The following LARP1B variants were observed in gnomAD, a reference collection of about 807,000 sequenced individuals.
LARP1B encodes the protein la-related protein 1B.
LARP1B carries 76 observed loss-of-function variants against 114.2 expected under a neutral mutation model. The observed-to-expected ratio is 0.67, with a 90% CI of 0.55 to 0.81. The LOEUF is 0.81. LARP1B is among the 30% of genes least tolerant of loss of function. The probability of loss-of-function intolerance (pLI) is 0.00; values close to 1 mark genes in which losing one functional copy is unlikely to be tolerated. For synonymous variants in LARP1B, 345 were observed against 348.0 expected (o/e 0.99, Z 0.10); for missense variants, 1,014 against 1,075.8 (o/e 0.94, Z 0.80).
chr4:128,206,611 A>C (rs1757660455), intron 18 of LARP1B, 74 bp downstream of exon 18: 1 of 1,507,832 alleles, frequency 6.6e-7, no homozygotes, highest in Admixed American at 2.2e-5. Flanking sequence ...ATAGGGAAGG[A>C]GTTCATAGTT....
At chr4:128,169,851 G>T (rs949595827) in intron 12 of LARP1B, among the ~76,000 whole-genome samples, 2 of 151,946 alleles carry the variant, frequency 1.3e-5, no homozygotes, top group Non-Finnish European at 2.9e-5. Flanking sequence ...TGGCCAGGCC[G>T]GTCTCAAACT....
Position 128,206,438 on chromosome 4 carries a change from G to C in LARP1B, c.2320G>C (p.Glu774Gln). The C allele has an allele frequency of 6.3e-7, 1 of 1,599,688 alleles. No individual in the cohort carries two copies. The highest frequency in any genetic ancestry group is 2.2e-5 in the East Asian group (1 of 44,734). ...ATTTTCTCTTTATAGGTATGGGTTAGAATGTCTGTTCAGGTTTTATAGTTA... is the reference window on the plus strand; with the variant it reads ...ATTTTCTCTTTATAGGTATGGGTTACAATGTCTGTTCAGGTTTTATAGTTA... ...DAKENYRYGL[E>Q]CLFRFYSYGL... Residue 774 changes from glutamate (E) to glutamine (Q), a missense_variant, in exon 18 of 20, where the codon GAA (glutamate) becomes CAA (glutamine). Coordinates refer to ENST00000326639, the MANE Select transcript of LARP1B (RefSeq NM_018078.4).
At chr4:128,111,731 C>A (rs903646647) in intron 9 of LARP1B, among the ~76,000 whole-genome samples, 2 of 151,934 alleles carry the variant, frequency 1.3e-5, no homozygotes, top group African/African-American at 4.8e-5. Context: ...TTGTTCTTGT[C>A]CCCCAGGCTG....
intron 6 of LARP1B, among the ~76,000 whole-genome samples, chr4:128,220,109 TC>T (rs1245349164): frequency 6.6e-6 from 1 of 152,130 alleles, no homozygotes; most frequent in African/African-American, 2.4e-5. Flanking sequence ...GGTCTCAAAC[TC>T]CCGACCTCAG....
intron 5 of LARP1B, among the ~76,000 whole-genome samples, chr4:128,084,433 G>A: frequency 6.6e-6 from 1 of 152,270 alleles, no homozygotes; most frequent in Non-Finnish European, 1.5e-5. Flanking sequence ...GACCAGCCCG[G>A]CCAGCACAGC....
At chr4:128,094,260 T>A (rs1376476718) in intron 7 of LARP1B, among the ~76,000 whole-genome samples, 3 of 152,054 alleles carry the variant, frequency 2.0e-5, no homozygotes, top group Admixed American at 1.3e-4. Flanking sequence ...AAACTTGTAT[T>A]AATTGTTTGT....
chr4:128,209,949 A>G lies in LARP1B; in HGVS notation c.2641A>G (p.Lys881Glu). 1 of 1,614,020 alleles carries G rather than the reference A, an allele frequency of 6.2e-7. No homozygotes were observed. Among genetic ancestry groups the G allele is most frequent in the African/African-American group, 1.3e-5 (1 of 75,048 alleles). ...RHRLPPNSST[K>E]PPNAAKPTST... ...TAGACTTCCACCTAATTCCTCTACA[A>G]AGCCACCAAATGCTGCTAAACCTAC... The change falls in exon 20 of 20, where the codon AAG becomes GAG. Residue 881 changes from lysine (K) to glutamate (E), a missense_variant. Transcript: ENST00000326639.
chr4:128,167,511 G>A (rs1741641456), intron 12 of LARP1B, among the ~76,000 whole-genome samples: 1 of 151,932 alleles, frequency 6.6e-6, no homozygotes, highest in Non-Finnish European at 1.5e-5. Context: ...TTCTTATTCT[G>A]TAGGTTGTCT....
At chr4:128,186,173 T>A (rs1368520557) in intron 15 of LARP1B, among the ~76,000 whole-genome samples, 1 of 150,754 alleles carries the variant, frequency 6.6e-6, no homozygotes, top group Non-Finnish European at 1.5e-5. Flanking sequence ...CTTTTGTGGT[T>A]CTGTATAAAT....
intron 15 of LARP1B, among the ~76,000 whole-genome samples, chr4:128,197,459 G>GCC (rs1754570968): frequency 6.6e-6 from 1 of 152,162 alleles, no homozygotes; most frequent in African/African-American, 2.4e-5. Flanking sequence ...ACTTTGGGAG[G>GCC]CCGAGGCGGG....
downstream of LARP1B, among the ~76,000 whole-genome samples, chr4:128,213,105 A>T (rs1172290332): frequency 6.6e-6 from 1 of 151,812 alleles, no homozygotes; most frequent in African/African-American, 2.4e-5. Context: ...TTTAGTTGAG[A>T]TGGGGTTTCA....
chr4:128,187,401 A>G (rs889946660), intron 15 of LARP1B, among the ~76,000 whole-genome samples: 2 of 152,238 alleles, frequency 1.3e-5, no homozygotes, highest in African/African-American at 4.8e-5. Context: ...TTATTTTGGA[A>G]CTTTAAGATT....
At chr4:128,145,836 T>C (rs1346513321) in intron 11 of LARP1B, among the ~76,000 whole-genome samples, 3 of 152,196 alleles carry the variant, frequency 2.0e-5, no homozygotes, top group Non-Finnish European at 4.4e-5. Flanking sequence ...ATCAGTTTTA[T>C]GGTTATTTAC....
intron 15 of LARP1B, among the ~76,000 whole-genome samples, chr4:128,192,724 C>T (rs1019438484): frequency 6.6e-6 from 1 of 152,146 alleles, no homozygotes; most frequent in Non-Finnish European, 1.5e-5. Flanking sequence ...TACATTTTAA[C>T]GTACCACAGT....
chr4:128,149,023 CT>C (rs1468978876), intron 11 of LARP1B, among the ~76,000 whole-genome samples: 2 of 152,172 alleles, frequency 1.3e-5, no homozygotes, highest in African/African-American at 2.4e-5. Context: ...TAAAACTATA[CT>C]TGTTTGGGCA....
At chr4:128,177,561 G>A (rs948486967) in intron 13 of LARP1B, among the ~76,000 whole-genome samples, 2 of 152,128 alleles carry the variant, frequency 1.3e-5, no homozygotes, top group African/African-American at 2.4e-5. Context: ...TACAAAAGAG[G>A]AAGTCTGAAG....
intron 11 of LARP1B, among the ~76,000 whole-genome samples, chr4:128,140,958 G>A (rs942248063): frequency 2.6e-5 from 4 of 151,968 alleles, no homozygotes; most frequent in African/African-American, 9.7e-5. Flanking sequence ...TGGGATTACA[G>A]GCATGCACCA....
At chr4:128,098,145 C>T (rs1310105513) in intron 7 of LARP1B, 41 bp from the exon 8 acceptor site, 4 of 1,443,794 alleles carry the variant, frequency 2.8e-6, no homozygotes, top group East Asian at 2.3e-5. Flanking sequence ...ATATTTATTT[C>T]CTACTAAATA....
intron 19 of LARP1B, among the ~76,000 whole-genome samples, chr4:128,209,124 A>T (rs930874672): frequency 1.3e-5 from 2 of 152,162 alleles, no homozygotes; most frequent in African/African-American, 4.8e-5. Context: ...GAAGCTTAGT[A>T]AACATGTGTT....
Sources: allele counts gnomAD v4.1 joint callset (sites outside exome capture counted in the v4.1 genomes callset), GRCh38; gene constraint gnomAD v4.1.1; transcripts MANE v1.5; gene names NCBI Gene and HGNC (gene_info 2026-07-23, HGNC 2026-07-21).